The following DHTKD1 variants were observed in gnomAD, a reference collection of about 807,000 sequenced individuals.
DHTKD1 encodes dehydrogenase E1 and transketolase domain containing 1.
In DHTKD1, 78 loss-of-function variants were observed where a neutral mutation model predicts 101.8. That is an observed-to-expected ratio of 0.77 (90% CI 0.64 to 0.93). The LOEUF (loss-of-function observed/expected upper bound fraction) is 0.93. DHTKD1 is among the 40% of genes least tolerant of loss of function. DHTKD1 has a pLI of 0.00. For synonymous variants in DHTKD1, 462 were observed against 450.3 expected, an observed-to-expected ratio of 1.03 and a Z score of -0.33; for missense variants, 1,223 against 1,161.7, an observed-to-expected ratio of 1.05 and a Z score of -0.77.
In DHTKD1 at chr10:12,097,885, C is replaced by T. The variant is rs35537424; in HGVS notation, c.1560C>T (p.Thr520=). 0.031 allele frequency: 49,796 copies of T among 1,614,198 alleles called. 965 individuals are homozygous for T. The highest frequency in any genetic ancestry group is 0.034 in the Non-Finnish European group (40,245 of 1,180,022). Residue 520 remains threonine (T), a synonymous_variant, in exon 8 of 17, where the codon ACC becomes ACT. Coordinates refer to ENST00000263035, the MANE Select transcript of DHTKD1 (RefSeq NM_018706.7). ...TGGCTCAGCCAGAAGCGCAAATCAC[C>T]ACCTGGAGTACAGGTGTGCCCCTCG... ...QGLAQPEAQI[T]TWSTGVPLDL...
chr10:12,091,770 T>C (rs1018638139), intron 6 of DHTKD1, 86 bp downstream of exon 6: 2 of 1,032,566 alleles, frequency 1.9e-6, no homozygotes, highest in South Asian at 1.6e-5. Context: ...ACAATGAGCC[T>C]CACTGGTTAT....
At chr10:12,074,220 C>CTTT (rs1832690580) in intron 1 of DHTKD1, among the ~76,000 whole-genome samples, 1 of 151,962 alleles carries the variant, frequency 6.6e-6, no homozygotes, top group African/African-American at 2.4e-5. Context: ...CACTCTGTGT[C>CTTT]GCCCAGACTG....
In DHTKD1 at chr10:12,118,527, T is replaced by C. The variant is rs191517344; in HGVS notation, c.2403-222T>C. 8.3e-3 allele frequency among the ~76,000 whole-genome samples: 1,258 copies of C among 151,874 alleles called. 17 individuals are homozygous for C. The highest frequency in any genetic ancestry group is 0.025 in the African/African-American group (1,037 of 41,412). ...CCTCCCGAGTAGCTGGGACTACAGG[T>C]GCCCGCCAGTACGCCCGGCTAATTT... is the stretch of plus-strand genomic sequence containing the variant. On this transcript the variant is annotated intron_variant, in intron 14 of 16. Coordinates refer to ENST00000263035, the MANE Select transcript of DHTKD1 (RefSeq NM_018706.7).
chr10:12,113,388 GGGTTTCGCCATC>G (rs1833366976), intron 13 of DHTKD1, among the ~76,000 whole-genome samples: 1 of 152,036 alleles, frequency 6.6e-6, no homozygotes, highest in Non-Finnish European at 1.5e-5. Context: ...AGTAGAGATG[GGGTTTCGCCATC>G]TTGGCCAGAC....
At chr10:12,078,451 A>C (rs1384810398) in intron 1 of DHTKD1, among the ~76,000 whole-genome samples, 1 of 150,962 alleles carries the variant, frequency 6.6e-6, no homozygotes. Flanking sequence ...ACCAACAAAA[A>C]CCCCACAAAA....
chr10:12,106,999 T>C (rs980176695), intron 11 of DHTKD1, among the ~76,000 whole-genome samples: 2 of 151,412 alleles, frequency 1.3e-5, no homozygotes, highest in African/African-American at 4.8e-5. Context: ...TTTTTTTTTT[T>C]TTTGAGACGG....
chr10:12,100,287 G>GTTTTTTTTTTTTGTTTTTTTTTTTTTTT (rs1554793010), intron 9 of DHTKD1, 25 bp downstream of exon 9: 33 of 272,204 alleles, frequency 1.2e-4, no homozygotes, highest in African/African-American at 2.2e-4. Flanking sequence ...TTTTTTTTCT[G>GTTTTTTTTTTTTGTTTTTTTTTTTTTTT]TTTTTTTTTT....
chr10:12,074,572 A>G (rs376661027), intron 1 of DHTKD1, among the ~76,000 whole-genome samples: 1 of 150,476 alleles, frequency 6.6e-6, no homozygotes, highest in Admixed American at 6.6e-5. Flanking sequence ...GTTAGCCAGG[A>G]TGGTTTCGAT....
At chr10:12,117,798 T>C (rs939855630) in intron 14 of DHTKD1, 43 bp downstream of exon 14, 4 of 1,098,158 alleles carry the variant, frequency 3.6e-6, no homozygotes, top group Admixed American at 3.9e-5. Flanking sequence ...GGCAGAATTT[T>C]AATTAATGGG....
At chr10:12,092,263 G>A (rs1488059660) in intron 6 of DHTKD1, among the ~76,000 whole-genome samples, 3 of 152,004 alleles carry the variant, frequency 2.0e-5, no homozygotes, top group Admixed American at 6.6e-5. Context: ...GATTAAAGGC[G>A]TGAGCCACCA....
At chr10:12,076,129 C>G (rs1832723844) in intron 1 of DHTKD1, among the ~76,000 whole-genome samples, 1 of 152,150 alleles carries the variant, frequency 6.6e-6, no homozygotes, top group African/African-American at 2.4e-5. Flanking sequence ...AGCCACAAAC[C>G]AAAGCTTTTA....
At chr10:12,075,634 C>T (rs1423201265) in intron 1 of DHTKD1, among the ~76,000 whole-genome samples, 2 of 152,126 alleles carry the variant, frequency 1.3e-5, no homozygotes, top group Non-Finnish European at 2.9e-5. Context: ...CCCAGCCTCC[C>T]AAAGTGATTA....
chr10:12,081,748 C>T (rs748501030), intron 2 of DHTKD1, 121 bp downstream of exon 2: 115 of 1,082,508 alleles, frequency 1.1e-4, no homozygotes, highest in Non-Finnish European at 1.4e-4. Context: ...TGAGGAGACC[C>T]GAGGGGCATG....
chr10:12,112,841 A>C, intron 12 of DHTKD1, 59 bp from the exon 13 acceptor site: 3 of 1,507,554 alleles, frequency 2.0e-6, no homozygotes, highest in South Asian at 1.3e-5. Flanking sequence ...GCCCATTGTC[A>C]CTACGACTGA....
intron 10 of DHTKD1, 23 bp downstream of exon 10, chr10:12,101,204 G>A: frequency 6.3e-7 from 1 of 1,597,234 alleles, no homozygotes; most frequent in African/African-American, 1.3e-5. Flanking sequence ...TATAGCTGTT[G>A]TAAAATCCAG....
chr10:12,102,422 C>CAAAAAA (rs752816882), intron 10 of DHTKD1, among the ~76,000 whole-genome samples: 2 of 64,822 alleles, frequency 3.1e-5, no homozygotes, highest in African/African-American at 6.1e-5. Flanking sequence ...GACTCTGTCT[C>CAAAAAA]AAAAAAAAAA....
chr10:12,069,531 T>TC (rs1457785361), intron 1 of DHTKD1, among the ~76,000 whole-genome samples: 1 of 133,118 alleles, frequency 7.5e-6, no homozygotes, highest in African/African-American at 2.8e-5. Flanking sequence ...TTTTTTTTTT[T>TC]TTTTTTTTTG....
rs190107928 is a variant in DHTKD1 at position 12,103,672 on chromosome 10, C to T, written c.1896+2491C>T. Reference sequence around the variant, plus strand: ...CTGGGACTACAGGCAAGCACCACCACGCCTGGCTACTTTTAAATATTTTGT... The same window carrying T: ...CTGGGACTACAGGCAAGCACCACCATGCCTGGCTACTTTTAAATATTTTGT... On this transcript the variant is annotated intron_variant, in intron 10 of 16. Transcript: ENST00000263035. This position sits in a 1 kb window ranked among gnomAD's most constrained non-coding sequence, Gnocchi z 4.8. Among the ~76,000 whole-genome samples the T allele has an allele frequency of 1.5e-4, 23 of 152,152 alleles. No individual in the cohort carries two copies. Among genetic ancestry groups the T allele is most frequent in the African/African-American group, 4.6e-4 (19 of 41,536 alleles).
intron 16 of DHTKD1, 130 bp downstream of exon 16, chr10:12,120,397 A>G (rs1159707033): frequency 5.8e-5 from 43 of 743,896 alleles, no homozygotes; most frequent in East Asian, 5.0e-4. Context: ...GCAGTGGCGC[A>G]ATCTCAGCTC....
Sources: allele counts gnomAD v4.1 joint callset (sites outside exome capture counted in the v4.1 genomes callset), GRCh38; gene constraint gnomAD v4.1.1; non-coding constraint Gnocchi (gnomAD v3.1); transcripts MANE v1.5; gene names NCBI Gene and HGNC (gene_info 2026-07-23, HGNC 2026-07-21).